The following PTPRD variants were observed in gnomAD, a reference collection of about 807,000 sequenced individuals.
The protein encoded by PTPRD is protein tyrosine phosphatase receptor type D.
Under a neutral mutation model 214.5 loss-of-function variants are expected in PTPRD, and 34 were observed. The observed-to-expected ratio is 0.16, with a 90% CI of 0.12 to 0.21. The LOEUF (loss-of-function observed/expected upper bound fraction) is 0.21, where lower values mean the gene tolerates loss of function less well. PTPRD is among the 10% of genes least tolerant of loss of function. PTPRD has a pLI of 1.00. For synonymous variants in PTPRD, 1,128 were observed against 845.7 expected (o/e 1.33, Z -5.79); for missense variants, 2,545 against 2,398.7 (o/e 1.06, Z -1.27).
At chr9:10,563,157 C>T (rs2064514932) in intron 2 of PTPRD, among the ~76,000 whole-genome samples, 1 of 152,124 alleles carries the variant, frequency 6.6e-6, no homozygotes, top group Non-Finnish European at 1.5e-5. Context: ...AGGACAAATA[C>T]AGCATTCCTG....
At chr9:9,515,956 T>G (rs1168519758) in intron 8 of PTPRD, among the ~76,000 whole-genome samples, 3 of 152,112 alleles carry the variant, frequency 2.0e-5, no homozygotes, top group Non-Finnish European at 4.4e-5. Flanking sequence ...GATTTCACAT[T>G]TGGAAGACCA....
chr9:8,629,237 A>G (rs2096162694), intron 14 of PTPRD, among the ~76,000 whole-genome samples: 1 of 151,870 alleles, frequency 6.6e-6, no homozygotes, highest in South Asian at 2.1e-4. Flanking sequence ...AAGAATAATT[A>G]TTGATGTCTT....
intron 2 of PTPRD, among the ~76,000 whole-genome samples, chr9:10,605,407 T>A (rs2079033402): frequency 1.3e-5 from 2 of 151,940 alleles, no homozygotes; most frequent in Non-Finnish European, 1.5e-5. Flanking sequence ...ATTGTGTCAA[T>A]ATTAGGATAG....
intron 5 of PTPRD, among the ~76,000 whole-genome samples, chr9:9,892,061 T>C (rs2073515406): frequency 6.6e-6 from 1 of 152,150 alleles, no homozygotes; most frequent in Admixed American, 6.6e-5. Flanking sequence ...ATTTCTTCTA[T>C]GTACACATTC....
At chr9:8,498,623 T>C (rs2136706456) in intron 25 of PTPRD, among the ~76,000 whole-genome samples, 1 of 152,334 alleles carries the variant, frequency 6.6e-6, no homozygotes, top group Non-Finnish European at 1.5e-5. Flanking sequence ...GCATTTTCAT[T>C]TGAAATAAAT....
chr9:8,894,305 A>G (rs1338580473), intron 11 of PTPRD, among the ~76,000 whole-genome samples: 4 of 139,492 alleles, frequency 2.9e-5, no homozygotes, highest in Non-Finnish European at 4.8e-5. Flanking sequence ...CAGTGAGCCA[A>G]CATCACCCCA....
chr9:8,909,244 C>T lies in PTPRD; in HGVS notation c.-104+109453G>A, dbSNP rs182149831. On this transcript the variant is annotated intron_variant, in intron 11 of 45. Transcript: ENST00000381196. ...TTCAGAAAATAGAAGACAGAACACT[C>T]CCAAACTCATTCTATGATGCTGGCA... Among the ~76,000 whole-genome samples, 691 of 152,142 alleles carry T rather than the reference C, an allele frequency of 4.5e-3. 10 individuals are homozygous for T. Among genetic ancestry groups the T allele is most frequent in the African/African-American group, 0.016 (661 of 41,544 alleles).
rs541700856 is a variant in PTPRD at position 10,356,617 on chromosome 9, T to C, written c.-599-15600A>G. On this transcript the variant is annotated intron_variant, in intron 2 of 45. Transcript: ENST00000381196. ...CGTTTTTACCTTAAATCTTATTTTT[T>C]CCTAAATTGTGAGTAGTGGTTTTCC... Among the ~76,000 whole-genome samples, 92 of 152,324 alleles carry C rather than the reference T, an allele frequency of 6.0e-4. 1 individual carries two copies. In the South Asian group the frequency reaches 0.015, roughly 25 times the overall value.
intron 3 of PTPRD, among the ~76,000 whole-genome samples, chr9:10,076,164 G>C (rs2098128752): frequency 6.6e-6 from 1 of 152,056 alleles, no homozygotes; most frequent in South Asian, 2.1e-4. Flanking sequence ...GGCTTCTTGA[G>C]TGCAGGTTTG....
chr9:8,338,852 A>AGAGAGAGAGAGAGAGT, intron 43 of PTPRD, 70 bp downstream of exon 43: 1 of 1,439,066 alleles, frequency 6.9e-7, no homozygotes, highest in Non-Finnish European at 9.4e-7. Context: ...TCTCCCAGAG[A>AGAGAGAGAGAGAGAGT]GAGAGAGAGA....
At chr9:8,662,304 A>T (rs1016326982) in intron 12 of PTPRD, among the ~76,000 whole-genome samples, 1 of 146,588 alleles carries the variant, frequency 6.8e-6, no homozygotes, top group Non-Finnish European at 1.5e-5. Context: ...CTATGTTGGA[A>T]AACAAACAAA....
chr9:9,811,359 T>A (rs572019231), intron 5 of PTPRD, among the ~76,000 whole-genome samples: 7 of 152,232 alleles, frequency 4.6e-5, no homozygotes, highest in African/African-American at 1.7e-4. Flanking sequence ...GGGACAGCAT[T>A]GCCAAAATCT....
intron 3 of PTPRD, among the ~76,000 whole-genome samples, chr9:10,185,172 C>T (rs1464432749): frequency 6.6e-6 from 1 of 152,090 alleles, no homozygotes; most frequent in East Asian, 1.9e-4. Context: ...GAATTTGAAA[C>T]TCTTTTCTAT....
chr9:8,599,366 A>G (rs545250972), intron 14 of PTPRD, among the ~76,000 whole-genome samples: 1 of 152,300 alleles, frequency 6.6e-6, no homozygotes, highest in African/African-American at 2.4e-5. Context: ...TATCACCCTG[A>G]ATGCACCCCA....
chr9:9,795,743 A>G (rs10114232), intron 5 of PTPRD, among the ~76,000 whole-genome samples: 12,193 of 151,966 alleles, frequency 0.08, 720 homozygotes, highest in African/African-American at 0.17. Context: ...ATGAAGTTGC[A>G]TGGTTTATGT....
intron 44 of PTPRD, among the ~76,000 whole-genome samples, chr9:8,320,275 T>A (rs1210168344): frequency 6.6e-6 from 1 of 152,090 alleles, no homozygotes; most frequent in Admixed American, 6.6e-5. Flanking sequence ...ACATATAGGT[T>A]TATAATATTC....
At chr9:9,108,996 G>C (rs2099802493) in intron 10 of PTPRD, among the ~76,000 whole-genome samples, 1 of 152,152 alleles carries the variant, frequency 6.6e-6, no homozygotes. Context: ...TCTTTGCAAA[G>C]TGCTATTCGT....
intron 5 of PTPRD, among the ~76,000 whole-genome samples, chr9:9,784,128 T>C (rs886774695): frequency 1.3e-5 from 2 of 152,140 alleles, no homozygotes; most frequent in Admixed American, 6.5e-5. Context: ...AGCAAAGCCA[T>C]ATTTGCTGTT....
At chr9:8,965,689 T>A (rs1198966581) in intron 11 of PTPRD, among the ~76,000 whole-genome samples, 1 of 152,106 alleles carries the variant, frequency 6.6e-6, no homozygotes, top group Non-Finnish European at 1.5e-5. Flanking sequence ...TTATACCAAA[T>A]GGGCAAAAAC....
Sources: allele counts gnomAD v4.1 joint callset (sites outside exome capture counted in the v4.1 genomes callset), GRCh38; gene constraint gnomAD v4.1.1; transcripts MANE v1.5; gene names NCBI Gene and HGNC (gene_info 2026-07-23, HGNC 2026-07-21).